PDE7B: variants seen among roughly 807,000 people sequenced by gnomAD.
PDE7B encodes the protein 3',5'-cyclic-AMP phosphodiesterase 7B.
PDE7B carries 29 observed loss-of-function variants against 56.2 expected under a neutral mutation model. That is an observed-to-expected ratio of 0.52 (90% confidence interval 0.38 to 0.70). The LOEUF (loss-of-function observed/expected upper bound fraction) is 0.70, where lower values mean the gene tolerates loss of function less well. Ranked by LOEUF, PDE7B falls within the 30% of genes least tolerant of loss-of-function variation. The pLI is 0.00. For missense variants in PDE7B, 490 were observed against 565.0 expected, an observed-to-expected ratio of 0.87 and a Z score of 1.35; for synonymous variants, 197 against 196.9, an observed-to-expected ratio of 1.00 and a Z score of 0.00.
intron 1 of PDE7B, among the ~76,000 whole-genome samples, chr6:135,860,613 T>A (rs1459258991): frequency 6.6e-6 from 1 of 151,998 alleles, no homozygotes; most frequent in African/African-American, 2.4e-5. Flanking sequence ...CTCGCTCTGC[T>A]TATTTGTTAG....
chr6:136,089,724 C>T (rs1209950313), intron 2 of PDE7B, among the ~76,000 whole-genome samples: 2 of 152,178 alleles, frequency 1.3e-5, no homozygotes, highest in Non-Finnish European at 2.9e-5. Flanking sequence ...AAAACATACA[C>T]TTGGATAAAG....
At chr6:136,190,748 T>A (rs1779209517) in intron 12 of PDE7B, among the ~76,000 whole-genome samples, 2 of 152,116 alleles carry the variant, frequency 1.3e-5, no homozygotes. Flanking sequence ...AACAAAGAAG[T>A]CTCATATCAA....
chr6:135,920,914 T>A (rs1774063783), intron 1 of PDE7B, among the ~76,000 whole-genome samples: 1 of 152,190 alleles, frequency 6.6e-6, no homozygotes, highest in South Asian at 2.1e-4. Flanking sequence ...TCAACCGAAC[T>A]TTATGTTCTG....
chr6:136,186,481 T>C (rs1562517197), intron 11 of PDE7B, among the ~76,000 whole-genome samples: 2 of 152,242 alleles, frequency 1.3e-5, no homozygotes, highest in East Asian at 3.9e-4. Flanking sequence ...TCACCTTCAG[T>C]TGCATTAGGT....
intron 2 of PDE7B, among the ~76,000 whole-genome samples, chr6:135,979,506 C>G (rs1167896475): frequency 6.6e-6 from 1 of 151,726 alleles, no homozygotes; most frequent in African/African-American, 2.4e-5. Flanking sequence ...CCATCTGGTC[C>G]TGGACTCTTT....
intron 1 of PDE7B, among the ~76,000 whole-genome samples, chr6:135,862,861 T>G (rs1186430001): frequency 2.0e-5 from 3 of 151,922 alleles, no homozygotes; most frequent in South Asian, 4.1e-4. Context: ...GTTTTAAAAT[T>G]TACTGTTTCT....
chr6:136,057,045 T>G (rs1458006904), intron 2 of PDE7B, among the ~76,000 whole-genome samples: 1 of 152,208 alleles, frequency 6.6e-6, no homozygotes, highest in Non-Finnish European at 1.5e-5. Context: ...TTTTCTCATT[T>G]GTAAGATGGA....
At chr6:136,055,894 T>C (rs1253609361) in intron 2 of PDE7B, among the ~76,000 whole-genome samples, 1 of 152,178 alleles carries the variant, frequency 6.6e-6, no homozygotes, top group African/African-American at 2.4e-5. Flanking sequence ...ACAAGCTTCT[T>C]TCTTTGTATT....
At chr6:135,892,522 A>T (rs915188122) in intron 1 of PDE7B, among the ~76,000 whole-genome samples, 3 of 152,214 alleles carry the variant, frequency 2.0e-5, no homozygotes, top group Admixed American at 2.0e-4. Context: ...CTAGTGAAGC[A>T]TATGAAAGGA....
chr6:136,118,687 T>C (rs1056944634), intron 3 of PDE7B, among the ~76,000 whole-genome samples: 4 of 152,196 alleles, frequency 2.6e-5, no homozygotes, highest in Non-Finnish European at 5.9e-5. Context: ...ATTTTAATAT[T>C]CAAAGGCAAT....
intron 2 of PDE7B, among the ~76,000 whole-genome samples, chr6:136,059,716 T>C (rs1342480751): frequency 1.3e-5 from 2 of 152,334 alleles, no homozygotes; most frequent in African/African-American, 2.4e-5. Flanking sequence ...CCCAAAATCA[T>C]GCTGCTCAGT....
At position 136,125,363 on chromosome 6, in the gene PDE7B, CAG is replaced by C. The variant is rs369594280; in HGVS notation, c.166+16550_166+16551del. Among the ~76,000 whole-genome samples the C allele has an allele frequency of 3.2e-4, 48 of 152,066 alleles. No homozygotes were observed. The East Asian group carries it at 4.9e-3, about 15-fold the overall frequency. ...CCAAGGCAGGAGGATCGCTTGAGGG[CAG>C]GAGTTTGAGATCAGCCTGGGAAAAG... On this transcript the variant is annotated intron_variant, in intron 3 of 12. Transcript: ENST00000308191.
In PDE7B at chr6:136,182,837, G is replaced by C. The variant is rs143087742; in HGVS notation, c.1045+1514G>C. Among the ~76,000 whole-genome samples, 840 of 152,272 alleles carry C rather than the reference G, an allele frequency of 5.5e-3. 3 individuals carry two copies. The highest frequency in any genetic ancestry group is 0.019 in the African/African-American group (772 of 41,546). On this transcript the variant is annotated intron_variant, in intron 11 of 12. Coordinates refer to ENST00000308191, the MANE Select transcript of PDE7B (RefSeq NM_018945.4). ...GCCTGTAATCCCAGCACTTTGGGAG[G>C]CTTAGGCAGGTGGATCACCTGAGGT... is the stretch of plus-strand genomic sequence containing the variant.
At chr6:136,075,548 T>C (rs1178603595) in intron 2 of PDE7B, among the ~76,000 whole-genome samples, 1 of 152,250 alleles carries the variant, frequency 6.6e-6, no homozygotes, top group Non-Finnish European at 1.5e-5. Flanking sequence ...AGGGGGTTTG[T>C]GTGCTCTAAT....
At chr6:136,076,546 G>T (rs1480090122) in intron 2 of PDE7B, among the ~76,000 whole-genome samples, 1 of 152,134 alleles carries the variant, frequency 6.6e-6, no homozygotes, top group Admixed American at 6.6e-5. Context: ...GCAAGGAAAT[G>T]TAAAGACAGG....
In PDE7B at chr6:136,074,607, A is replaced by T. The variant is rs1777101778; in HGVS notation, c.83-34124A>T. 2.0e-5 allele frequency among the ~76,000 whole-genome samples: 3 copies of T among 152,250 alleles called. No individual in the cohort carries two copies. In the South Asian group the frequency reaches 6.2e-4, roughly 32 times the overall value. On this transcript the variant is annotated intron_variant, in intron 2 of 12. Coordinates refer to ENST00000308191, the MANE Select transcript of PDE7B (RefSeq NM_018945.4). ...CACTTCCCAGCATTTGGTAACCATC[A>T]TTCTACTCCCTATCTCCATGAGCTC...
intron 2 of PDE7B, among the ~76,000 whole-genome samples, chr6:136,074,918 AT>A (rs1777106927): frequency 6.6e-6 from 1 of 152,060 alleles, no homozygotes; most frequent in African/African-American, 2.4e-5. Context: ...CAATATACTG[AT>A]TTCTTTTCTT....
intron 2 of PDE7B, among the ~76,000 whole-genome samples, chr6:135,956,029 C>T (rs1239839705): frequency 1.3e-5 from 2 of 152,068 alleles, no homozygotes; most frequent in African/African-American, 4.8e-5. Flanking sequence ...AATGAGATCA[C>T]CCAGGGAAAG....
rs1774400025 is a variant in PDE7B at position 135,935,210 on chromosome 6, ATATATATT to A, written c.22-12252_22-12245del. On this transcript the variant is annotated intron_variant, in intron 1 of 12. Coordinates refer to ENST00000308191, the MANE Select transcript of PDE7B (RefSeq NM_018945.4). ...TTTATTTATATATATATATATATAT[ATATATATT>A]TTCATGATTCTTGCTCTCCAGGAAA... 6.7e-5 allele frequency among the ~76,000 whole-genome samples: 6 copies of A among 89,772 alleles called. 1 individual carries two copies. The highest frequency in any genetic ancestry group is 3.5e-4 in the East Asian group (1 of 2,850). 58.9% of individuals were successfully genotyped at this position (89,772 alleles called of 152,430 possible).
Sources: gnomAD v4.1 joint callset for allele counts (sites outside exome capture counted in the v4.1 genomes callset) on GRCh38, gnomAD v4.1.1 for gene constraint, MANE v1.5 for transcripts, NCBI Gene and HGNC (gene_info 2026-07-23, HGNC 2026-07-21) for gene names.